Variants in VRK2 observed in about 807,000 individuals in gnomAD.
VRK2 encodes VRK serine/threonine kinase 2, also known as serine/threonine-protein kinase VRK2.
VRK2 carries 60 observed loss-of-function variants against 57.6 expected under a neutral mutation model. The ratio of observed to expected loss-of-function variants is 1.04; its 90% CI spans 0.85 to 1.29. The LOEUF (loss-of-function observed/expected upper bound fraction) is 1.29, where lower values mean the gene tolerates loss of function less well. Among genes scored for constraint, VRK2 ranks in the 50% most tolerant of loss-of-function variants. VRK2 has a pLI of 0.00. For missense variants in VRK2, 705 were observed against 588.1 expected (o/e 1.20, Z -2.06); for synonymous variants, 231 against 199.2 (o/e 1.16, Z -1.35).
At chr2:57,916,088 C>T (rs1292367338) in intron 1 of VRK2, among the ~76,000 whole-genome samples, 1 of 152,004 alleles carries the variant, frequency 6.6e-6, no homozygotes, top group Non-Finnish European at 1.5e-5. Flanking sequence ...GAAATAAATA[C>T]CTCCACAAAT....
intron 1 of VRK2, among the ~76,000 whole-genome samples, chr2:57,916,639 C>T (rs1670163588): frequency 6.6e-6 from 1 of 151,976 alleles, no homozygotes; most frequent in African/African-American, 2.4e-5. Context: ...TAATCACTAG[C>T]CCTATCTGAC....
chr2:57,924,557 T>A (rs1348732663), intron 1 of VRK2, among the ~76,000 whole-genome samples: 1 of 152,046 alleles, frequency 6.6e-6, no homozygotes, highest in Non-Finnish European at 1.5e-5. Context: ...GATTTTTGTA[T>A]GTTGATCTTG....
intron 1 of VRK2, among the ~76,000 whole-genome samples, chr2:57,970,250 A>T (rs1672055235): frequency 6.7e-6 from 1 of 150,314 alleles, no homozygotes; most frequent in Non-Finnish European, 1.5e-5. Flanking sequence ...CACTAAAAAA[A>T]GTTCATTATA....
At chr2:58,000,399 T>C (rs894627805) in intron 1 of VRK2, among the ~76,000 whole-genome samples, 10 of 152,204 alleles carry the variant, frequency 6.6e-5, no homozygotes, top group African/African-American at 2.2e-4. Flanking sequence ...TTAAGGAAAA[T>C]CAGGCAAGAT....
chr2:57,992,198 T>C (rs759036604), intron 1 of VRK2, among the ~76,000 whole-genome samples: 45 of 152,164 alleles, frequency 3.0e-4, no homozygotes, highest in Non-Finnish European at 5.6e-4. Context: ...AGAGAAGATA[T>C]TAGGTACCCT....
intron 3 of VRK2, among the ~76,000 whole-genome samples, chr2:58,036,580 T>C (rs575085508): frequency 6.6e-6 from 1 of 152,050 alleles, no homozygotes; most frequent in Non-Finnish European, 1.5e-5. Flanking sequence ...TCCACAACTT[T>C]TCTATGTTCA....
chr2:58,059,222 G>A (rs1279071066), intron 2 of VRK2, among the ~76,000 whole-genome samples: 8 of 151,904 alleles, frequency 5.3e-5, no homozygotes, highest in African/African-American at 1.9e-4. Context: ...TATTTTTATG[G>A]AAAAAATTGC....
At chr2:58,154,939 A>G in intron 12 of VRK2, 1 of 503,880 alleles carries the variant, frequency 2.0e-6, no homozygotes. Flanking sequence ...GAAATGTGTT[A>G]ATTCCCAAGT....
At chr2:58,149,169 G>T (rs913037400) in intron 12 of VRK2, among the ~76,000 whole-genome samples, 8 of 151,696 alleles carry the variant, frequency 5.3e-5, no homozygotes, top group Non-Finnish European at 8.9e-5. Flanking sequence ...CTGCATTTAT[G>T]TGCATTTTCT....
chr2:57,950,798 A>G (rs759600580), intron 1 of VRK2, among the ~76,000 whole-genome samples: 2 of 152,224 alleles, frequency 1.3e-5, no homozygotes, highest in Non-Finnish European at 2.9e-5. Flanking sequence ...CGCCATTAAG[A>G]ACATTGGTGA....
intron 12 of VRK2, chr2:58,154,641 G>T: frequency 3.1e-6 from 2 of 650,204 alleles, no homozygotes; most frequent in Non-Finnish European, 5.6e-6. Flanking sequence ...TAATTTTCCT[G>T]GGGTCTCTTT....
chr2:57,978,697 T>C (rs570412018), intron 1 of VRK2, among the ~76,000 whole-genome samples: 1 of 150,348 alleles, frequency 6.7e-6, no homozygotes, highest in East Asian at 1.9e-4. Flanking sequence ...TCTTTCTTTC[T>C]TTCTTCCTTT....
At chr2:58,144,230 G>A (rs1360693467) in intron 11 of VRK2, among the ~76,000 whole-genome samples, 1 of 151,908 alleles carries the variant, frequency 6.6e-6, no homozygotes, top group Non-Finnish European at 1.5e-5. Flanking sequence ...AACAGTATTT[G>A]TCGGGATGAG....
At chr2:57,926,122 T>C (rs1404423418) in intron 1 of VRK2, among the ~76,000 whole-genome samples, 2 of 152,000 alleles carry the variant, frequency 1.3e-5, no homozygotes, top group Non-Finnish European at 2.9e-5. Flanking sequence ...TTTTTATTTT[T>C]TAAGACTTTT....
chr2:57,974,407 A>AT (rs1474998275), intron 1 of VRK2, among the ~76,000 whole-genome samples: 9 of 151,892 alleles, frequency 5.9e-5, no homozygotes, highest in African/African-American at 1.2e-4. Context: ...TATATATGGG[A>AT]TTTTTTTATA....
chr2:58,105,467 A>C (rs1426009157), intron 7 of VRK2, among the ~76,000 whole-genome samples: 1 of 152,040 alleles, frequency 6.6e-6, no homozygotes, highest in Non-Finnish European at 1.5e-5. Flanking sequence ...ACTAATCATC[A>C]GAGAAATGCA....
At chr2:57,979,331 T>C (rs1290054566) in intron 1 of VRK2, among the ~76,000 whole-genome samples, 1 of 151,136 alleles carries the variant, frequency 6.6e-6, no homozygotes, top group Non-Finnish European at 1.5e-5. Context: ...GCGTCTATTG[T>C]TTCCTGACTT....
At chr2:57,967,306 T>G (rs965377677) in intron 1 of VRK2, among the ~76,000 whole-genome samples, 3 of 152,164 alleles carry the variant, frequency 2.0e-5, no homozygotes, top group African/African-American at 7.2e-5. Flanking sequence ...CAAACCACCA[T>G]GGTACATGTA....
chr2:58,138,188 A>G (rs993675272), intron 10 of VRK2, among the ~76,000 whole-genome samples: 1 of 152,222 alleles, frequency 6.6e-6, no homozygotes, highest in Non-Finnish European at 1.5e-5. Flanking sequence ...TCACAGGACC[A>G]TAAAACAAAA....
Sources: gnomAD v4.1 joint callset for allele counts (sites outside exome capture counted in the v4.1 genomes callset) on GRCh38, gnomAD v4.1.1 for gene constraint, MANE v1.5 for transcripts, NCBI Gene and HGNC (gene_info 2026-07-23, HGNC 2026-07-21) for gene names.